The following AHRR variants were observed in gnomAD, a reference collection of about 807,000 sequenced individuals.
The protein encoded by AHRR is aryl hydrocarbon receptor repressor.
In AHRR, 28 loss-of-function variants were observed where a neutral mutation model predicts 44.0. The ratio of observed to expected loss-of-function variants is 0.64; its 90% confidence interval spans 0.47 to 0.87. The LOEUF is 0.87. Ranked by LOEUF, AHRR falls within the 40% of genes least tolerant of loss-of-function variation. The probability of loss-of-function intolerance (pLI) is 0.00; values close to 1 mark genes in which losing one functional copy is unlikely to be tolerated. For missense variants in AHRR, 990 were observed against 953.9 expected (o/e 1.04, Z -0.50); for synonymous variants, 434 against 407.0 (o/e 1.07, Z -0.80).
At chr5:376,544 G>C in intron 3 of AHRR, 66 bp from the exon 4 acceptor site, 5 of 1,405,322 alleles carry the variant, frequency 3.6e-6, no homozygotes, top group South Asian at 1.4e-5. Flanking sequence ...CAGGAAAGAT[G>C]TGAATGAAGA....
In AHRR at chr5:418,499, C is replaced by T. The variant is rs1457278909; in HGVS notation, c.442-4230C>T. Among the ~76,000 whole-genome samples, 8 of 152,190 alleles carry T rather than the reference C, an allele frequency of 5.3e-5. No individual in the cohort carries two copies. The East Asian group carries it at 7.7e-4, about 15-fold the overall frequency. ...CTCCTCCACATGTGCCATCTGGCCT[C>T]GGTTCAGCAGCAGACCCTTTCTCGC... On this transcript the variant is annotated intron_variant, in intron 5 of 10. Coordinates refer to ENST00000684583, the MANE Select transcript of AHRR (RefSeq NM_001377236.1).
intron 5 of AHRR, chr5:421,185 CG>C: frequency 3.2e-6 from 2 of 620,692 alleles, no homozygotes; most frequent in Non-Finnish European, 5.7e-6. Context: ...CGGCTGGTGC[CG>C]GGCAGGAGGC....
At chr5:340,688 A>ATATATATATATATATTTTTT (rs1269938749) in intron 1 of AHRR, among the ~76,000 whole-genome samples, 1 of 12,928 alleles carries the variant, frequency 7.7e-5, no homozygotes, top group Non-Finnish European at 1.3e-4. Flanking sequence ...ATATATATAT[A>ATATATATATATATATTTTTT]TTTTTTTTTT....
chr5:417,858 T>G (rs987292185), intron 5 of AHRR, among the ~76,000 whole-genome samples: 5 of 152,258 alleles, frequency 3.3e-5, no homozygotes, highest in Admixed American at 1.3e-4. Flanking sequence ...TGTGTGAGCT[T>G]ATTGTGCAAA....
chr5:424,392 G>T (rs1657425778), intron 7 of AHRR, among the ~76,000 whole-genome samples: 1 of 123,082 alleles, frequency 8.1e-6, no homozygotes, highest in Non-Finnish European at 1.9e-5. Context: ...GTCCCTGGTG[G>T]GGGGGCGAGG....
intron 3 of AHRR, among the ~76,000 whole-genome samples, chr5:376,337 G>A (rs918485755): frequency 2.6e-5 from 4 of 152,152 alleles, no homozygotes; most frequent in Non-Finnish European, 5.9e-5. Context: ...GCGGGTGTGG[G>A]GGCGTCCTCA....
Position 434,925 on chromosome 5 carries a change from C to G in AHRR, c.*91C>G. ...CCCTGCTCCTGGTCAGGCCGGAGCCCGTCCTAAGACACACGCTTTGCAGAG... is the reference window on the plus strand; with the variant it reads ...CCCTGCTCCTGGTCAGGCCGGAGCCGGTCCTAAGACACACGCTTTGCAGAG... On this transcript the variant is annotated 3_prime_UTR_variant, in exon 11 of 11. Transcript: ENST00000684583. The G allele has an allele frequency of 1.4e-6, 2 of 1,452,100 alleles. No individual in the cohort carries two copies. Among genetic ancestry groups the G allele is most frequent in the East Asian group, 2.5e-5 (1 of 40,076 alleles). 90.0% of individuals were successfully genotyped at this position (1,452,100 alleles called of 1,614,324 possible).
intron 8 of AHRR, 127 bp downstream of exon 8, chr5:428,133 G>T (rs548076463): frequency 5.3e-6 from 6 of 1,129,388 alleles, no homozygotes; most frequent in Admixed American, 4.8e-5. Flanking sequence ...GTTTCGTGTC[G>T]TAAAAGTCAT....
intron 2 of AHRR, among the ~76,000 whole-genome samples, chr5:353,243 G>A (rs531703326): frequency 1.3e-5 from 2 of 152,316 alleles, no homozygotes; most frequent in East Asian, 1.9e-4. Flanking sequence ...CCTTGGGCAC[G>A]GCCCGGCTGA....
intron 5 of AHRR, among the ~76,000 whole-genome samples, chr5:414,854 T>C (rs970491015): frequency 6.6e-6 from 1 of 152,374 alleles, no homozygotes; most frequent in East Asian, 1.9e-4. Context: ...GAAAGACTTA[T>C]GACGGGTTTA....
chr5:431,025 G>A (rs1736700361), intron 8 of AHRR, among the ~76,000 whole-genome samples: 1 of 152,242 alleles, frequency 6.6e-6, no homozygotes, highest in African/African-American at 2.4e-5. Flanking sequence ...CGCAAACCCT[G>A]GAACACTGTC....
chr5:327,093 A>G (rs1741739400), intron 1 of AHRR, among the ~76,000 whole-genome samples: 1 of 152,186 alleles, frequency 6.6e-6, no homozygotes, highest in African/African-American at 2.4e-5. Flanking sequence ...AAGCCATCCT[A>G]GTCGTATAAA....
At position 334,535 on chromosome 5, in the gene AHRR, G is replaced by GT. The variant is rs750859726; in HGVS notation, c.-10-9358_-10-9357insT. On this transcript the variant is annotated intron_variant, in intron 1 of 10. Transcript: ENST00000684583. ...GCTTTCAAATGTATTTTGTATTTCT[G>GT]GTTTTTTTTAAAAAATGTATCTATC... Among the ~76,000 whole-genome samples, 28 of 150,452 alleles carry GT rather than the reference G, an allele frequency of 1.9e-4. 1 individual carries two copies. The highest frequency in any genetic ancestry group is 8.6e-4 in the Admixed American group (13 of 15,098).
At chr5:393,407 C>T (rs1048806723) in intron 4 of AHRR, among the ~76,000 whole-genome samples, 1 of 152,248 alleles carries the variant, frequency 6.6e-6, no homozygotes, top group Admixed American at 6.5e-5. Flanking sequence ...TAGCAGTCTG[C>T]TGTGGGCCTT....
chr5:365,951 GA>G (rs1743347095), intron 3 of AHRR, among the ~76,000 whole-genome samples: 2 of 152,162 alleles, frequency 1.3e-5, no homozygotes, highest in South Asian at 4.2e-4. Flanking sequence ...CCATTATATT[GA>G]ATCCTGGGAT....
Position 432,851 on chromosome 5 carries a change from C to A in AHRR, c.1016C>A (p.Thr339Asn). ...GGCGTTTTGGTGCTCAGGGAACAGA[C>A]TGACGCTGGCCGATGGGCACAGGTT... is the stretch of plus-strand genomic sequence containing the variant. ...ESGVLVLREQ[T>N]DAGRWAQVPA... The change falls in exon 10 of 11, where the codon ACT becomes AAT. Residue 339 changes from threonine (T) to asparagine (N), a missense_variant. Physicochemically the swap from Thr to Asn is moderately conservative, Grantham distance 65. Transcript: ENST00000684583. 1 of 1,613,816 alleles carries A rather than the reference C, an allele frequency of 6.2e-7. No individual in the cohort carries two copies. The highest frequency in any genetic ancestry group is 8.5e-7 in the Non-Finnish European group (1 of 1,180,030).
chr5:344,044 T>G, intron 2 of AHRR, 80 bp downstream of exon 2: 1 of 1,440,984 alleles, frequency 6.9e-7, no homozygotes, highest in Non-Finnish European at 9.4e-7. Context: ...GAAAACGGAG[T>G]TTTAGGAACA....
rs138191114 is a variant in AHRR, at chr5:338,113, G to A, written c.-10-5780G>A. ...TCTCCCCTCCCGGGTCTGTGTAGCC[G>A]CCATATACTTGATGTCCACGTTTGT... is the stretch of plus-strand genomic sequence containing the variant. On this transcript the variant is annotated intron_variant, in intron 1 of 10. Coordinates refer to ENST00000684583, the MANE Select transcript of AHRR (RefSeq NM_001377236.1). The surrounding 1 kb of genome is among the most constrained non-coding windows in gnomAD (Gnocchi z 4.1). Among the ~76,000 whole-genome samples, 350 of 152,238 alleles carry A rather than the reference G, an allele frequency of 2.3e-3. 3 individuals carry two copies. The highest frequency in any genetic ancestry group is 8.2e-3 in the African/African-American group (339 of 41,544).
chr5:365,073 G>A (rs1040570451), intron 3 of AHRR, among the ~76,000 whole-genome samples: 1 of 151,810 alleles, frequency 6.6e-6, no homozygotes, highest in Non-Finnish European at 1.5e-5. Context: ...CTGTAACTCA[G>A]TATTTTATAG....
Sources: allele counts gnomAD v4.1 joint callset (sites outside exome capture counted in the v4.1 genomes callset), GRCh38; gene constraint gnomAD v4.1.1; non-coding constraint Gnocchi (gnomAD v3.1); transcripts MANE v1.5; gene names NCBI Gene and HGNC (gene_info 2026-07-23, HGNC 2026-07-21).